The following CFAP46 variants were observed in gnomAD, a reference collection of about 807,000 sequenced individuals.
CFAP46 encodes cilia and flagella associated protein 46.
A neutral mutation model predicts 325.7 loss-of-function variants in CFAP46; 245 were observed. The ratio of observed to expected loss-of-function variants is 0.75; its 90% CI spans 0.68 to 0.84. The LOEUF (loss-of-function observed/expected upper bound fraction) is 0.84. CFAP46 is among the 40% of genes least tolerant of loss of function. The pLI, the probability that CFAP46 is intolerant of heterozygous loss-of-function variation, is 0.00. For missense variants in CFAP46, 3,346 were observed against 3,543.0 expected (o/e 0.94, Z 1.41); for synonymous variants, 1,523 against 1,495.9 (o/e 1.02, Z -0.42).
intron 45 of CFAP46, 123 bp from the exon 46 acceptor site, chr10:132,836,341 A>C (rs1848247523): frequency 1.2e-6 from 1 of 858,888 alleles, no homozygotes; most frequent in Non-Finnish European, 1.9e-6. Flanking sequence ...GACGCCCAGC[A>C]GGGCCCTCCC....
chr10:132,918,636 C>A, intron 15 of CFAP46, 116 bp from the exon 16 acceptor site: 1 of 1,330,098 alleles, frequency 7.5e-7, no homozygotes, highest in Non-Finnish European at 9.8e-7. Flanking sequence ...CGTGTAGGGT[C>A]CGCCAAGGTG....
At chr10:132,920,590 G>A (rs751332101) in intron 13 of CFAP46, among the ~76,000 whole-genome samples, 5 of 152,344 alleles carry the variant, frequency 3.3e-5, no homozygotes, top group Admixed American at 1.3e-4. Context: ...CAGATGTTCC[G>A]AATCACCGCT....
At chr10:132,926,328 C>T (rs1363071635) in intron 10 of CFAP46, among the ~76,000 whole-genome samples, 1 of 152,182 alleles carries the variant, frequency 6.6e-6, no homozygotes, top group Non-Finnish European at 1.5e-5. Context: ...AGTCGCATCC[C>T]AGCCCCCACC....
At chr10:132,863,368 C>A (rs1002064134) in intron 35 of CFAP46, among the ~76,000 whole-genome samples, 1 of 152,170 alleles carries the variant, frequency 6.6e-6, no homozygotes. Context: ...GGCTGGCCCT[C>A]TTCTGTGTCT....
rs185150151 is a variant in CFAP46 at position 132,919,151 on chromosome 10, T to C, written c.1858+164A>G. Among the ~76,000 whole-genome samples, 1,050 of 152,270 alleles carry C rather than the reference T, an allele frequency of 6.9e-3. 13 individuals carry two copies. The highest frequency in any genetic ancestry group is 0.024 in the African/African-American group (1,000 of 41,558). ...GCCAGATGTGGCCGCCGCCCCATGA[T>C]TGGCGGTCCTGATAATTAGTGGGAA... On this transcript the variant is annotated intron_variant, in intron 15 of 57. Transcript: ENST00000368586. The surrounding 1 kb of genome is among the most constrained non-coding windows in gnomAD (Gnocchi z 9.7).
rs1263051391 is a variant in CFAP46, at chr10:132,922,565, A to T, written c.1400T>A (p.Met467Lys). The T allele has an allele frequency of 1.3e-6, 2 of 1,548,468 alleles. No homozygotes were observed. Among genetic ancestry groups the T allele is most frequent in the East Asian group, 2.4e-5 (1 of 40,898 alleles). ...GCACAGACGCAGCCGGGTGGAGGCC[A>T]TCTGGATCCTGTCCCGGTAGAGGCC... The part of the protein sequence containing the change: ...SLGLYRDRIQ[M>K]ASTRLRLCTT... Residue 467 changes from methionine to lysine, a missense_variant, in exon 12 of 58, where the codon ATG (methionine) becomes AAG (lysine). Physicochemically the swap from Met to Lys is moderately conservative, Grantham distance 95. Transcript: ENST00000368586.
chr10:132,859,574 T>C (rs879553000), intron 37 of CFAP46, among the ~76,000 whole-genome samples: 1 of 151,990 alleles, frequency 6.6e-6, no homozygotes, highest in Non-Finnish European at 1.5e-5. Flanking sequence ...GAAACCCATG[T>C]TGAAGCGTTG....
intron 28 of CFAP46, among the ~76,000 whole-genome samples, chr10:132,880,068 C>T (rs73393240): frequency 0.077 from 11,756 of 152,134 alleles, 1,180 homozygotes; most frequent in African/African-American, 0.23. Flanking sequence ...CCAGCATTGT[C>T]GAGTGCTCTA....
intron 14 of CFAP46, 52 bp downstream of exon 14, chr10:132,920,007 A>G (rs1174721999): frequency 6.9e-7 from 1 of 1,450,046 alleles, no homozygotes; most frequent in African/African-American, 1.4e-5. Context: ...CCTCGGGCTG[A>G]GCGACCCCCG....
In CFAP46 at chr10:132,814,595, C is replaced by A. The variant is rs375180558; in HGVS notation, c.7267G>T (p.Glu2423Ter). Reference sequence around the variant, plus strand: ...CACCCACCTGGGCCCTGGGCCTCCTCGTATGGGTCCACGACGACTGGGTCC... The same window carrying A: ...CACCCACCTGGGCCCTGGGCCTCCTAGTATGGGTCCACGACGACTGGGTCC... ...DNFKFVVDPY[E>*]EAQGPEMLTP... Residue 2423 changes from glutamate (E) to a stop codon, truncating the protein, a stop_gained, in exon 53 of 58, where the codon GAG becomes TAG. Transcript: ENST00000368586. LOFTEE classifies it high-confidence loss of function. 6.4e-7 allele frequency: 1 copy of A among 1,571,506 alleles called. No homozygotes were observed. The highest frequency in any genetic ancestry group is 8.6e-7 in the Non-Finnish European group (1 of 1,158,898).
chr10:132,913,134 G>A lies in CFAP46; in HGVS notation c.2245C>T (p.His749Tyr). 6.4e-7 allele frequency: 1 copy of A among 1,550,422 alleles called. No individual in the cohort carries two copies. The highest frequency in any genetic ancestry group is 8.7e-7 in the Non-Finnish European group (1 of 1,146,978). ...NAVVYVLNHN[H>Y]HLILAGRQKE... ...TGCCGCCCGGCCAGGATCAGGTGGT[G>A]GTTGTGGTTCAGGACGTAGACCACG... The change falls in exon 18 of 58, where the codon CAC becomes TAC. Residue 749 changes from histidine (H) to tyrosine (Y), a missense_variant. Physicochemically the swap from His to Tyr is moderately conservative, Grantham distance 83. Coordinates refer to ENST00000368586, the MANE Select transcript of CFAP46 (RefSeq NM_001200049.3).
At chr10:132,879,281 C>T (rs562036528) in intron 29 of CFAP46, 145 bp downstream of exon 29, 16 of 764,956 alleles carry the variant, frequency 2.1e-5, no homozygotes, top group East Asian at 2.9e-5. Flanking sequence ...ATCTGGATGT[C>T]GCAGGAAATT....
In CFAP46 at chr10:132,912,714, T is replaced by C. The variant is rs1252079602; in HGVS notation, c.2440A>G (p.Asn814Asp). ...GCGTCCAGTGGGCTGTGAAACGCGT[T>C]TGGTCGCATGAATTTCCTGGACTTC... ...AEKSRKFMRP[N>D]AFHSPLDAGA... The change falls in exon 19 of 58, where the codon AAC becomes GAC. Residue 814 changes from asparagine to aspartate, a missense_variant. By Grantham distance (23) the Asn-to-Asp change is conservative. Coordinates refer to ENST00000368586, the MANE Select transcript of CFAP46 (RefSeq NM_001200049.3). 6.5e-7 allele frequency: 1 copy of C among 1,550,212 alleles called. No homozygotes were observed. Among genetic ancestry groups the C allele is most frequent in the Non-Finnish European group, 8.7e-7 (1 of 1,146,954 alleles).
chr10:132,902,126 C>T (rs1239607740), intron 22 of CFAP46, among the ~76,000 whole-genome samples: 1 of 152,152 alleles, frequency 6.6e-6, no homozygotes. Context: ...CTTGGATCTC[C>T]AGGTTGATAT....
Position 132,822,140 on chromosome 10 carries a change from G to A in CFAP46, c.7118-7226C>T, listed in dbSNP as rs530116091. ...GTGTGTGCACTTGTGTGTGCTGTGT[G>A]TGTGCTGATGTGTGCTGTGTGCTGT... On this transcript the variant is annotated intron_variant, in intron 50 of 57. Coordinates refer to ENST00000368586, the MANE Select transcript of CFAP46 (RefSeq NM_001200049.3). Among the ~76,000 whole-genome samples the A allele has an allele frequency of 1.5e-3, 221 of 143,520 alleles. 4 individuals are homozygous for A. The highest frequency in any genetic ancestry group is 4.1e-3 in the African/African-American group (153 of 37,132). The allele number at this position is 143,520 out of a possible 152,430, so 94.2% of individuals were successfully genotyped here.
At position 132,832,886 on chromosome 10, in the gene CFAP46, C is replaced by T. The variant is rs775983088; in HGVS notation, c.7117+472G>A. On this transcript the variant is annotated intron_variant, in intron 50 of 57. Transcript: ENST00000368586. The surrounding 1 kb of genome is among the most constrained non-coding windows in gnomAD (Gnocchi z 4.1). ...CAGGTATTTGTGGGGGCAAGAACAG[C>T]GTTAAGTTTGTCTTCCCTGTGTGTT... 2.2e-5 allele frequency: 10 copies of T among 458,978 alleles called. 1 individual carries two copies. Among genetic ancestry groups the T allele is most frequent in the South Asian group, 1.2e-4 (8 of 64,250 alleles). 28.4% of individuals were successfully genotyped at this position (458,978 alleles called of 1,614,324 possible).
chr10:132,812,957 T>C lies in CFAP46; in HGVS notation c.7389-60A>G, dbSNP rs1012615523. On this transcript the variant is annotated intron_variant, in intron 54 of 57. Transcript: ENST00000368586. ...CATGCACCTGTACCAGACCCCACCGTGCGTTCTTAAAGCAGGCCACATCCT... is the reference window on the plus strand; with the variant it reads ...CATGCACCTGTACCAGACCCCACCGCGCGTTCTTAAAGCAGGCCACATCCT... The C allele has an allele frequency of 6.6e-6, 9 of 1,365,440 alleles. No homozygotes were observed. In the Admixed American group the frequency reaches 1.4e-4, roughly 22 times the overall value. 84.6% of individuals were successfully genotyped at this position (1,365,440 alleles called of 1,614,324 possible).
rs1850067389 is a variant in CFAP46, at chr10:132,939,675, G to A, written c.372-922C>T. 6.6e-6 allele frequency among the ~76,000 whole-genome samples: 1 copy of A among 152,152 alleles called. No individual in the cohort carries two copies. Among genetic ancestry groups the A allele is most frequent in the Non-Finnish European group, 1.5e-5 (1 of 68,022 alleles). On this transcript the variant is annotated intron_variant, in intron 4 of 57. Transcript: ENST00000368586. The surrounding 1 kb of genome is among the most constrained non-coding windows in gnomAD (Gnocchi z 4.6). ...TTCAGGAGAGGAGCGGAGGTGCGGGGTGTCCTGACCAGACGGTCACGCCTG... is the reference window on the plus strand; with the variant it reads ...TTCAGGAGAGGAGCGGAGGTGCGGGATGTCCTGACCAGACGGTCACGCCTG...
chr10:132,837,802 CAT>C (rs1287908705), intron 44 of CFAP46, among the ~76,000 whole-genome samples: 6 of 150,452 alleles, frequency 4.0e-5, no homozygotes, highest in African/African-American at 1.5e-4. Flanking sequence ...CATGGACACA[CAT>C]GCACACGTAC....
Sources: allele counts gnomAD v4.1 joint callset (sites outside exome capture counted in the v4.1 genomes callset), GRCh38; gene constraint gnomAD v4.1.1; non-coding constraint Gnocchi (gnomAD v3.1); transcripts MANE v1.5; gene names NCBI Gene and HGNC (gene_info 2026-07-23, HGNC 2026-07-21).